Variants in LAMA3 observed in about 807,000 individuals in gnomAD.
LAMA3 encodes laminin subunit alpha 3, also known as laminin subunit alpha-3.
A neutral mutation model predicts 402.0 loss-of-function variants in LAMA3; 281 were observed. The observed-to-expected ratio is 0.70, with a 90% confidence interval of 0.63 to 0.77. LAMA3 has a LOEUF of 0.77. LAMA3 is among the 30% of genes least tolerant of loss of function. The pLI is 0.00. For missense variants in LAMA3, 3,840 were observed against 4,215.5 expected (o/e 0.91, Z 2.47); for synonymous variants, 1,431 against 1,558.4 (o/e 0.92, Z 1.93).
At chr18:23,928,315 C>A in intron 63 of LAMA3, 75 bp downstream of exon 63, 3 of 912,152 alleles carry the variant, frequency 3.3e-6, no homozygotes, top group Non-Finnish European at 5.4e-6. Context: ...AACGCAGCAA[C>A]TTTTGACTTC....
intron 47 of LAMA3, 136 bp downstream of exon 47, chr18:23,899,591 C>T (rs1336948646): frequency 1.7e-5 from 16 of 925,368 alleles, no homozygotes; most frequent in Admixed American, 4.1e-5. Context: ...TAGAGCATCA[C>T]GTGGTGAAAA....
chr18:23,805,101 C>T (rs1039548498), intron 12 of LAMA3, among the ~76,000 whole-genome samples: 1 of 152,088 alleles, frequency 6.6e-6, no homozygotes, highest in Non-Finnish European at 1.5e-5. Context: ...AAACAAACTG[C>T]TTGTTGGTTT....
intron 11 of LAMA3, among the ~76,000 whole-genome samples, chr18:23,782,531 C>T (rs867118441): frequency 2.0e-5 from 3 of 150,718 alleles, no homozygotes; most frequent in East Asian, 3.9e-4. Context: ...CCAGCCTGGG[C>T]GATAGAATGA....
At chr18:23,927,276 T>C (rs1466245302) in intron 62 of LAMA3, among the ~76,000 whole-genome samples, 1 of 152,146 alleles carries the variant, frequency 6.6e-6, no homozygotes, top group African/African-American at 2.4e-5. Context: ...TTCAGATGAT[T>C]CTCCAACCTC....
chr18:23,703,931 C>T (rs2060837552), intron 1 of LAMA3, among the ~76,000 whole-genome samples: 1 of 152,210 alleles, frequency 6.6e-6, no homozygotes, highest in African/African-American at 2.4e-5. Flanking sequence ...GGAGAATGCT[C>T]TGAACAAGGT....
chr18:23,795,586 G>T (rs1389612746), intron 12 of LAMA3, among the ~76,000 whole-genome samples: 1 of 152,200 alleles, frequency 6.6e-6, no homozygotes, highest in Non-Finnish European at 1.5e-5. Flanking sequence ...TAGAGAGTCA[G>T]TTATGACTCC....
chr18:23,885,818 G>A (rs1033444505), intron 41 of LAMA3, among the ~76,000 whole-genome samples: 1 of 152,132 alleles, frequency 6.6e-6, no homozygotes, highest in African/African-American at 2.4e-5. Flanking sequence ...CTAGCCCTGT[G>A]CACTCAAACG....
At chr18:23,835,457 C>A (rs2144535415) in intron 24 of LAMA3, among the ~76,000 whole-genome samples, 1 of 152,280 alleles carries the variant, frequency 6.6e-6, no homozygotes, top group African/African-American at 2.4e-5. Flanking sequence ...TGACCTAAGT[C>A]TGAATGGAGT....
Position 23,933,827 on chromosome 18 carries a change from C to T in LAMA3, c.8754C>T (p.Leu2918=), listed in dbSNP as rs148292143. ...TCCTAGATTTGACCAGTAACTCTCT[C>T]AAGAGAGATGTGTCCCTGGGAGGCT... ...PEVLDLTSNS[L]KRDVSLGGCS... The change falls in exon 67 of 75, where the codon CTC becomes CTT. Residue 2918 remains leucine (L), a synonymous_variant. Transcript: ENST00000313654. 6.2e-7 allele frequency: 1 copy of T among 1,613,890 alleles called. No individual in the cohort carries two copies. The highest frequency in any genetic ancestry group is 1.3e-5 in the African/African-American group (1 of 74,934).
At chr18:23,702,409 C>T (rs192040582) in intron 1 of LAMA3, among the ~76,000 whole-genome samples, 38 of 152,212 alleles carry the variant, frequency 2.5e-4, no homozygotes, top group South Asian at 8.3e-4. Context: ...TGGCTCACTG[C>T]AGCCTCAAAC....
At chr18:23,865,161 C>CT (rs1375454398) in intron 36 of LAMA3, among the ~76,000 whole-genome samples, 2 of 152,168 alleles carry the variant, frequency 1.3e-5, no homozygotes, top group African/African-American at 2.4e-5. Context: ...TTTTTTTGAA[C>CT]TTTTTTTATC....
chr18:23,849,440 A>G (rs920530149), intron 32 of LAMA3, among the ~76,000 whole-genome samples: 1 of 152,222 alleles, frequency 6.6e-6, no homozygotes, highest in African/African-American at 2.4e-5. Flanking sequence ...ATGGAGAATC[A>G]GTTTTCAGGC....
intron 2 of LAMA3, among the ~76,000 whole-genome samples, chr18:23,743,364 C>T (rs2061596552): frequency 6.6e-6 from 1 of 152,172 alleles, no homozygotes; most frequent in African/African-American, 2.4e-5. Context: ...CGGGGTTCAG[C>T]TCTGTCTCTG....
At chr18:23,872,965 C>T (rs773185641) in intron 38 of LAMA3, 15 of 1,580,396 alleles carry the variant, frequency 9.5e-6, no homozygotes, top group Non-Finnish European at 1.3e-5. Flanking sequence ...TCAGGCAGGC[C>T]CGGGCACTGA....
rs756270157 is a variant in LAMA3, at chr18:23,915,381, A to C, written c.7737A>C (p.Lys2579Asn). 1.3e-5 allele frequency: 21 copies of C among 1,613,984 alleles called. No individual in the cohort carries two copies. The South Asian group carries it at 2.1e-4, about 16-fold the overall frequency. ...ENVLSLYNFK[K>N]TFNLNTTEVE... Reference sequence around the variant, plus strand: ...TTCTGAGCTTGTACAACTTCAAAAAAACATTCAATCTCAACACAACTGAAG... The same window carrying C: ...TTCTGAGCTTGTACAACTTCAAAAACACATTCAATCTCAACACAACTGAAG... The change falls in exon 59 of 75, where the codon AAA becomes AAC. Residue 2579 changes from lysine to asparagine, a missense_variant. By Grantham distance (94) the Lys-to-Asn change is moderately conservative (BLOSUM62 0). Transcript: ENST00000313654.
intron 8 of LAMA3, among the ~76,000 whole-genome samples, chr18:23,772,248 G>A (rs2062216026): frequency 6.6e-6 from 1 of 152,058 alleles, no homozygotes; most frequent in Admixed American, 6.6e-5. Context: ...CACCATATTG[G>A]TCAGGCTGGT....
At chr18:23,723,580 A>G (rs1384564701) in intron 2 of LAMA3, among the ~76,000 whole-genome samples, 1 of 150,790 alleles carries the variant, frequency 6.6e-6, no homozygotes, top group Non-Finnish European at 1.5e-5. Flanking sequence ...TTCTCGGTGG[A>G]TGGGGAGATC....
intron 35 of LAMA3, among the ~76,000 whole-genome samples, chr18:23,863,407 T>C (rs2064273525): frequency 1.3e-5 from 2 of 152,210 alleles, no homozygotes; most frequent in African/African-American, 4.8e-5. Flanking sequence ...CTCGAGCCAT[T>C]GGACTCCAGC....
intron 67 of LAMA3, among the ~76,000 whole-genome samples, chr18:23,938,367 A>T (rs1365174565): frequency 6.6e-6 from 1 of 152,202 alleles, no homozygotes; most frequent in Non-Finnish European, 1.5e-5. Context: ...TCTGCGGTGG[A>T]GAAAAGAGGG....
Sources: gnomAD v4.1 joint callset for allele counts (sites outside exome capture counted in the v4.1 genomes callset) on GRCh38, gnomAD v4.1.1 for gene constraint, MANE v1.5 for transcripts, NCBI Gene and HGNC (gene_info 2026-07-23, HGNC 2026-07-21) for gene names.